The following HEATR5B variants were observed in gnomAD, a reference collection of about 807,000 sequenced individuals.
The protein encoded by HEATR5B is HEAT repeat-containing protein 5B.
Under a neutral mutation model 224.1 loss-of-function variants are expected in HEATR5B, and 156 were observed. The observed-to-expected ratio is 0.70, with a 90% confidence interval of 0.61 to 0.80. The LOEUF (loss-of-function observed/expected upper bound fraction) is 0.80, where lower values mean the gene tolerates loss of function less well. HEATR5B is among the 30% of genes least tolerant of loss of function. The probability of loss-of-function intolerance (pLI) is 0.00; values close to 1 mark genes in which losing one functional copy is unlikely to be tolerated. For missense variants in HEATR5B, 2,323 were observed against 2,535.5 expected (o/e 0.92, Z 1.80); for synonymous variants, 1,027 against 893.0 (o/e 1.15, Z -2.68).
chr2:37,014,385 A>G (rs1667983041), intron 26 of HEATR5B, among the ~76,000 whole-genome samples: 1 of 151,434 alleles, frequency 6.6e-6, no homozygotes, highest in African/African-American at 2.4e-5. Context: ...GATGGTCTCG[A>G]TCTCCTGACC....
chr2:37,077,126 T>C (rs1412195197), intron 3 of HEATR5B, 107 bp from the exon 4 acceptor site: 12 of 880,980 alleles, frequency 1.4e-5, no homozygotes, highest in Non-Finnish European at 1.8e-5. Context: ...CTTTTGGCTA[T>C]AATCCTTAAT....
chr2:37,021,812 G>T (rs916096014), intron 24 of HEATR5B, among the ~76,000 whole-genome samples: 1 of 151,222 alleles, frequency 6.6e-6, no homozygotes, highest in African/African-American at 2.4e-5. Flanking sequence ...CTTTGAACCT[G>T]GGAGGTCAAG....
intron 35 of HEATR5B, among the ~76,000 whole-genome samples, chr2:36,982,447 A>G (rs534032639): frequency 3.3e-5 from 5 of 152,224 alleles, no homozygotes; most frequent in Admixed American, 2.0e-4. Context: ...ATCCTGGGAT[A>G]TAAGTTTCAT....
At chr2:37,065,561 G>C (rs1671538779) in intron 9 of HEATR5B, among the ~76,000 whole-genome samples, 194 bp downstream of exon 9, 1 of 151,922 alleles carries the variant, frequency 6.6e-6, no homozygotes, top group Non-Finnish European at 1.5e-5. Context: ...TGCCCACCAG[G>C]GCCTCCCAAA....
intron 18 of HEATR5B, among the ~76,000 whole-genome samples, chr2:37,046,639 CAA>C (rs531117028): frequency 0.037 from 3,317 of 90,214 alleles, 129 homozygotes; most frequent in African/African-American, 0.12. Context: ...AACTCTGTCT[CAA>C]AAAAAAAAAA....
intron 18 of HEATR5B, among the ~76,000 whole-genome samples, 184 bp downstream of exon 18, chr2:37,049,469 T>C (rs2148521330): frequency 6.6e-6 from 1 of 152,294 alleles, no homozygotes; most frequent in South Asian, 2.1e-4. Context: ...ATCTAACATA[T>C]TACAACTTTC....
chr2:37,075,787 A>G, intron 4 of HEATR5B, 153 bp from the exon 5 acceptor site: 2 of 484,740 alleles, frequency 4.1e-6, no homozygotes, highest in Middle Eastern at 5.3e-4. Context: ...AGTATTCTAG[A>G]AAGTACCTGG....
chr2:37,047,877 G>A (rs1455906844), intron 18 of HEATR5B, among the ~76,000 whole-genome samples: 4 of 152,102 alleles, frequency 2.6e-5, no homozygotes, highest in South Asian at 2.1e-4. Context: ...CCAAATCTAA[G>A]ACACCATCGT....
intron 9 of HEATR5B, among the ~76,000 whole-genome samples, chr2:37,065,422 T>C (rs1671530644): frequency 6.6e-6 from 1 of 152,032 alleles, no homozygotes; most frequent in Non-Finnish European, 1.5e-5. Context: ...TAAGCAATTC[T>C]CCTGCCTCAG....
intron 6 of HEATR5B, among the ~76,000 whole-genome samples, chr2:37,070,770 T>A (rs1453142065): frequency 1.3e-5 from 2 of 152,216 alleles, no homozygotes; most frequent in Non-Finnish European, 2.9e-5. Context: ...ATACAGTAGT[T>A]ACCAATAGAT....
intron 24 of HEATR5B, among the ~76,000 whole-genome samples, chr2:37,025,218 T>C (rs1351077734): frequency 6.6e-6 from 1 of 152,108 alleles, no homozygotes; most frequent in Non-Finnish European, 1.5e-5. Context: ...GACACTGGAA[T>C]CTAGGTGGGA....
At position 37,076,927 on chromosome 2, in the gene HEATR5B, G is replaced by C. The variant is rs754559959; in HGVS notation, c.431C>G (p.Ser144Cys). The C allele has an allele frequency of 6.2e-7, 1 of 1,612,782 alleles. No individual in the cohort carries two copies. The highest frequency in any genetic ancestry group is 8.5e-7 in the Non-Finnish European group (1 of 1,178,902). Residue 144 changes from serine (S) to cysteine (C), a missense_variant, in exon 4 of 36, where the codon TCT (serine) becomes TGT (cysteine). Coordinates refer to ENST00000233099, the MANE Select transcript of HEATR5B (RefSeq NM_019024.3). ...FPETVNNLLK[S>C]LKSAESQGRS... is the part of the protein sequence containing the mutation. Reference sequence around the variant, plus strand: ...AAAACTTACCTCTGCACTTTTCAGAGATTTCAATAGATTATTTACCGTTTC... The same window carrying C: ...AAAACTTACCTCTGCACTTTTCAGACATTTCAATAGATTATTTACCGTTTC...
Position 37,012,414 on chromosome 2 carries a change from G to T in HEATR5B, c.4284+1427C>A, listed in dbSNP as rs533151008. ...ATTAAATTTTTTTTTTTTGAGACAA[G>T]AGTCTCGCTCTTGTTGCCCAGGCTG... On this transcript the variant is annotated intron_variant, in intron 27 of 35. Transcript: ENST00000233099. Among the ~76,000 whole-genome samples, 40 of 151,562 alleles carry T rather than the reference G, an allele frequency of 2.6e-4. No homozygotes were observed. The South Asian group carries it at 8.1e-3, about 31-fold the overall frequency.
At chr2:37,055,298 AT>A (rs1277937977) in intron 16 of HEATR5B, among the ~76,000 whole-genome samples, 2 of 151,980 alleles carry the variant, frequency 1.3e-5, no homozygotes, top group Non-Finnish European at 2.9e-5. Context: ...ATATGTTTAT[AT>A]TTTTAATAGA....
At chr2:36,998,558 G>A (rs1413245916) in intron 33 of HEATR5B, among the ~76,000 whole-genome samples, 1 of 152,154 alleles carries the variant, frequency 6.6e-6, no homozygotes, top group Non-Finnish European at 1.5e-5. Context: ...ATCTCTCACA[G>A]CACACGTGCA....
At chr2:37,034,942 A>C (rs1669384050) in intron 21 of HEATR5B, among the ~76,000 whole-genome samples, 1 of 152,228 alleles carries the variant, frequency 6.6e-6, no homozygotes. Context: ...ACAAAGTTCA[A>C]GCATGGTCAT....
chr2:37,083,977 A>C (rs1457880152), intron 1 of HEATR5B, among the ~76,000 whole-genome samples: 1 of 152,166 alleles, frequency 6.6e-6, no homozygotes, highest in Non-Finnish European at 1.5e-5. Context: ...CGTCAGTGAC[A>C]ACACCAGGCG....
intron 35 of HEATR5B, among the ~76,000 whole-genome samples, chr2:36,984,700 T>C (rs908669675): frequency 2.6e-5 from 4 of 152,106 alleles, no homozygotes; most frequent in Admixed American, 1.3e-4. Flanking sequence ...AGGTACACGT[T>C]GGGGAGCAGA....
In HEATR5B at chr2:37,032,638, T is replaced by C. The variant is rs752187224; in HGVS notation, c.3352A>G (p.Ser1118Gly). 5.0e-6 allele frequency: 8 copies of C among 1,612,354 alleles called. No individual in the cohort carries two copies. The Admixed American group carries it at 6.7e-5, about 14-fold the overall frequency. ...CAATAATATAACTTACTGGCACTAC[T>C]GCTCTCTTTGTCCCCTGTATTTTTT... Reference protein sequence around the residue: ...LAKNTGDKESSSANVSPFAPG... With the variant: ...LAKNTGDKESGSANVSPFAPG... Residue 1118 changes from serine (S) to glycine (G), a missense_variant, in exon 22 of 36, where the codon AGT becomes GGT. By Grantham distance (56) the Ser-to-Gly change is moderately conservative. Around this residue, in one of 12 missense-constraint regions of HEATR5B, gnomAD observed 339 missense variants for 378.4 expected, o/e 0.90. Coordinates refer to ENST00000233099, the MANE Select transcript of HEATR5B (RefSeq NM_019024.3).
Sources: allele counts gnomAD v4.1 joint callset (sites outside exome capture counted in the v4.1 genomes callset), GRCh38; gene constraint gnomAD v4.1.1; regional missense constraint gnomAD v4.1.1; transcripts MANE v1.5; gene names NCBI Gene and HGNC (gene_info 2026-07-23, HGNC 2026-07-21).